PCDHGA3: variants seen among roughly 807,000 people sequenced by gnomAD.
PCDHGA3 encodes the protein protocadherin gamma-A3.
PCDHGA3 carries 40 observed loss-of-function variants against 58.5 expected under a neutral mutation model. That is an observed-to-expected ratio of 0.68 (90% confidence interval 0.53 to 0.89). PCDHGA3 has a LOEUF of 0.89. Ranked by LOEUF, PCDHGA3 falls within the 40% of genes least tolerant of loss-of-function variation. PCDHGA3 has a pLI of 0.00. For synonymous variants in PCDHGA3, 530 were observed against 525.7 expected (o/e 1.01, Z -0.11); for missense variants, 1,223 against 1,195.9 (o/e 1.02, Z -0.33).
chr5:141,487,905 G>C lies in PCDHGA3; in HGVS notation c.2425-6902G>C. The C allele has an allele frequency of 1.5e-6, 1 of 686,388 alleles. No individual in the cohort carries two copies. 42.5% of individuals were successfully genotyped at this position (686,388 alleles called of 1,614,324 possible). On this transcript the variant is annotated intron_variant, in intron 1 of 3. Transcript: ENST00000253812. This position sits in a 1 kb window ranked among gnomAD's most constrained non-coding sequence, Gnocchi z 5.0. ...GTGGAAGCATGATGATGGAATGTGG[G>C]AGCACAGGAGGCTACAGTGCACAGG...
chr5:141,386,056 A>C (rs2090445356), intron 1 of PCDHGA3: 1 of 152,214 alleles, frequency 6.6e-6, no homozygotes, highest in South Asian at 2.1e-4. Flanking sequence ...TTTAACAGAG[A>C]ATTCCAGTAT....
intron 1 of PCDHGA3, chr5:141,361,354 G>A (rs778953840): frequency 6.8e-6 from 11 of 1,613,990 alleles, no homozygotes; most frequent in African/African-American, 2.7e-5. Flanking sequence ...ACTAGTGACA[G>A]ACGGCGCTCT....
chr5:141,497,312 G>A (rs940721317), intron 2 of PCDHGA3, among the ~76,000 whole-genome samples: 7 of 152,038 alleles, frequency 4.6e-5, no homozygotes, highest in African/African-American at 1.7e-4. Flanking sequence ...CCATACACTG[G>A]CTTTGAAGCA....
At chr5:141,356,669 C>T in intron 1 of PCDHGA3, 1 of 1,614,006 alleles carries the variant, frequency 6.2e-7, no homozygotes. Flanking sequence ...ATCACTTACT[C>T]CCTGGCCGAA....
chr5:141,360,445 C>T (rs1253448702), intron 1 of PCDHGA3: 5 of 1,613,934 alleles, frequency 3.1e-6, no homozygotes, highest in Non-Finnish European at 3.4e-6. Flanking sequence ...TCTGTGTGTT[C>T]TGGATTTCGA....
chr5:141,384,106 A>G, intron 1 of PCDHGA3: 1 of 1,602,128 alleles, frequency 6.2e-7, no homozygotes, highest in Non-Finnish European at 8.5e-7. Flanking sequence ...TAATTATTAT[A>G]GATTGGTCAC....
intron 1 of PCDHGA3, among the ~76,000 whole-genome samples, chr5:141,472,590 C>G (rs1161871973): frequency 6.6e-6 from 1 of 151,908 alleles, no homozygotes; most frequent in African/African-American, 2.4e-5. Flanking sequence ...GTCAGAAGCT[C>G]TCTTGAAATT....
chr5:141,375,347 G>A, intron 1 of PCDHGA3: 2 of 1,613,852 alleles, frequency 1.2e-6, no homozygotes, highest in South Asian at 2.2e-5. Flanking sequence ...CAACATCACT[G>A]TGACAGCCAC....
rs781173890 is a variant in PCDHGA3, at chr5:141,476,165, G to T, written c.2425-18642G>T. 5.3e-5 allele frequency: 86 copies of T among 1,613,106 alleles called. No individual in the cohort carries two copies. Among genetic ancestry groups the T allele is most frequent in the Non-Finnish European group, 7.2e-5 (85 of 1,179,976 alleles). On this transcript the variant is annotated intron_variant, in intron 1 of 3. Transcript: ENST00000253812. The surrounding 1 kb of genome is among the most constrained non-coding windows in gnomAD (Gnocchi z 7.6). ...CGGACTGGTAAGCACCGGGAGGGTA[G>T]TGGGAGTTTTGCTTCTGCTTGGTGC...
chr5:141,389,779 A>T (rs779598795), intron 1 of PCDHGA3: 1 of 1,613,298 alleles, frequency 6.2e-7, no homozygotes, highest in South Asian at 1.1e-5. Flanking sequence ...GCCTTAGGCG[A>T]CAGGGACGCC....
Position 141,387,762 on chromosome 5 carries a change from G to T in PCDHGA3, c.2424+41305G>T, listed in dbSNP as rs545222926. The T allele has an allele frequency of 3.5e-6, 5 of 1,424,676 alleles. No homozygotes were observed. The East Asian group carries it at 9.9e-5, about 28-fold the overall frequency. The allele number at this position is 1,424,676 out of a possible 1,614,324, so 88.3% of individuals were successfully genotyped here. ...CACCGCTTCCTCCTCGGAAAAAGAA[G>T]AATTTTTTCTTGAACTGGAACTGCA... On this transcript the variant is annotated intron_variant, in intron 1 of 3. Transcript: ENST00000253812.
intron 1 of PCDHGA3, among the ~76,000 whole-genome samples, chr5:141,429,602 C>T (rs548994907): frequency 1.1e-4 from 16 of 152,218 alleles, no homozygotes; most frequent in African/African-American, 3.6e-4. Flanking sequence ...TTCAAGTAAA[C>T]TCAATTTTAT....
chr5:141,501,290 TACACACACAC>T (rs55762287), intron 2 of PCDHGA3, among the ~76,000 whole-genome samples: 44 of 136,248 alleles, frequency 3.2e-4, no homozygotes, highest in Admixed American at 7.8e-4. Context: ...TATTCCCTTA[TACACACACAC>T]ACACACACAC....
intron 1 of PCDHGA3, chr5:141,433,151 G>T (rs2097572071): frequency 1.2e-6 from 2 of 1,614,006 alleles, no homozygotes; most frequent in African/African-American, 1.3e-5. Context: ...AGGTGATTCG[G>T]TATTTTCTAA....
chr5:141,432,336 G>A lies in PCDHGA3; in HGVS notation c.2425-62471G>A. On this transcript the variant is annotated intron_variant, in intron 1 of 3. Coordinates refer to ENST00000253812, the MANE Select transcript of PCDHGA3 (RefSeq NM_018916.4). The surrounding 1 kb of genome is among the most constrained non-coding windows in gnomAD (Gnocchi z 6.0). ...AGCTCCTTCGACTACGAGCAGTTCC[G>A]AGACTTGCAAGTGAAAGTGATGGCG... 1.2e-6 allele frequency: 2 copies of A among 1,614,250 alleles called. No homozygotes were observed. The highest frequency in any genetic ancestry group is 1.7e-6 in the Non-Finnish European group (2 of 1,180,040).
chr5:141,410,066 C>G, intron 1 of PCDHGA3: 1 of 1,612,912 alleles, frequency 6.2e-7, no homozygotes, highest in Non-Finnish European at 8.5e-7. Context: ...CCTGGGGCTG[C>G]GCACTGGGGA....
chr5:141,497,824 T>G (rs1164705269), intron 2 of PCDHGA3, among the ~76,000 whole-genome samples: 1 of 152,086 alleles, frequency 6.6e-6, no homozygotes, highest in African/African-American at 2.4e-5. Flanking sequence ...ACAGGTGTGA[T>G]CGCCCCCGGC....
intron 1 of PCDHGA3, chr5:141,393,331 GC>G (rs3214276): frequency 0.09 from 144,732 of 1,613,856 alleles, 7,527 homozygotes; most frequent in African/African-American, 0.18. Flanking sequence ...TACCAGCTCA[GC>G]CCCAATCACC....
chr5:141,506,277 T>C (rs905595521), intron 3 of PCDHGA3, among the ~76,000 whole-genome samples: 1 of 152,050 alleles, frequency 6.6e-6, no homozygotes. Flanking sequence ...AGTGAAACCC[T>C]GTCTCTACTA....
Sources: allele counts gnomAD v4.1 joint callset (sites outside exome capture counted in the v4.1 genomes callset), GRCh38; gene constraint gnomAD v4.1.1; non-coding constraint Gnocchi (gnomAD v3.1); transcripts MANE v1.5; gene names NCBI Gene and HGNC (gene_info 2026-07-23, HGNC 2026-07-21).